Variants in ADGRL2 observed in about 807,000 individuals in gnomAD.
ADGRL2 encodes calcium-independent alpha-latrotoxin receptor 2.
ADGRL2 carries 44 observed loss-of-function variants against 157.4 expected under a neutral mutation model. That is an observed-to-expected ratio of 0.28 (90% CI 0.22 to 0.36). ADGRL2 has a LOEUF of 0.36. Among genes scored for constraint, ADGRL2 ranks in the 10% least tolerant of loss-of-function variants. The pLI is 1.00. For synonymous variants in ADGRL2, 585 were observed against 624.7 expected (o/e 0.94, Z 0.95); for missense variants, 1,510 against 1,768.9 (o/e 0.85, Z 2.63).
At chr1:81,563,072 C>A (rs1329380673) in intron 2 of ADGRL2, among the ~76,000 whole-genome samples, 1 of 152,064 alleles carries the variant, frequency 6.6e-6, no homozygotes, top group African/African-American at 2.4e-5. Context: ...CTGTCAATAT[C>A]TATAAACATT....
At chr1:81,917,237 T>TAACAGCAGC (rs1159474913) in intron 3 of ADGRL2, among the ~76,000 whole-genome samples, 2 of 152,136 alleles carry the variant, frequency 1.3e-5, no homozygotes, top group African/African-American at 4.8e-5. Context: ...ACTATGATAG[T>TAACAGCAGC]AACAGCAGCA....
At chr1:81,335,769 T>C (rs958079036) in intron 1 of ADGRL2, among the ~76,000 whole-genome samples, 2 of 151,716 alleles carry the variant, frequency 1.3e-5, no homozygotes, top group Admixed American at 1.3e-4. Flanking sequence ...TTAGTTATTC[T>C]ACACGTATTA....
chr1:81,602,897 CAAAAAAAAAA>C (rs35152437), intron 3 of ADGRL2, among the ~76,000 whole-genome samples: 3 of 120,406 alleles, frequency 2.5e-5, no homozygotes, highest in African/African-American at 9.6e-5. Context: ...GACTCTGTCT[CAAAAAAAAAA>C]AAAAAAAAGT....
At chr1:81,500,973 G>A (rs1046152661) in intron 2 of ADGRL2, among the ~76,000 whole-genome samples, 13 of 152,062 alleles carry the variant, frequency 8.5e-5, no homozygotes, top group Admixed American at 7.9e-4. Flanking sequence ...ACTTCAATTC[G>A]AGTCAGATCT....
chr1:81,650,809 C>T (rs978525321), intron 3 of ADGRL2, among the ~76,000 whole-genome samples: 5 of 152,250 alleles, frequency 3.3e-5, no homozygotes, highest in Admixed American at 3.3e-4. Flanking sequence ...CTTAATCCTA[C>T]TTGAACTTTT....
At chr1:81,429,373 A>G (rs115220730) in intron 1 of ADGRL2, among the ~76,000 whole-genome samples, 1 of 152,220 alleles carries the variant, frequency 6.6e-6, no homozygotes, top group African/African-American at 2.4e-5. Context: ...GCCACAGGCT[A>G]AAAAGCAATG....
chr1:81,760,979 G>A (rs544031332), intron 1 of ADGRL2, among the ~76,000 whole-genome samples: 1 of 151,808 alleles, frequency 6.6e-6, no homozygotes, highest in Admixed American at 6.6e-5. Flanking sequence ...TCCATATTTA[G>A]TATTCAAATT....
At chr1:81,522,259 C>A (rs182678160) in intron 2 of ADGRL2, among the ~76,000 whole-genome samples, 2 of 151,820 alleles carry the variant, frequency 1.3e-5, no homozygotes, top group Admixed American at 6.6e-5. Flanking sequence ...GCCACTGTGC[C>A]GGGCCATAAA....
chr1:81,322,815 A>G (rs1200318345), intron 1 of ADGRL2, among the ~76,000 whole-genome samples: 1 of 152,174 alleles, frequency 6.6e-6, no homozygotes, highest in Non-Finnish European at 1.5e-5. Context: ...GGGAGATACC[A>G]TAAACAATGG....
intron 3 of ADGRL2, among the ~76,000 whole-genome samples, chr1:81,582,416 A>T (rs183729094): frequency 4.6e-5 from 7 of 151,496 alleles, no homozygotes; most frequent in Admixed American, 4.6e-4. Context: ...AAGTAAAAAG[A>T]CTCCCCCTTA....
At chr1:81,717,825 C>G (rs981861385) in intron 1 of ADGRL2, among the ~76,000 whole-genome samples, 1 of 152,170 alleles carries the variant, frequency 6.6e-6, no homozygotes, top group African/African-American at 2.4e-5. Context: ...TTGACTGTTT[C>G]TGTTATAGTC....
intron 1 of ADGRL2, among the ~76,000 whole-genome samples, chr1:81,708,665 C>T (rs2047417): frequency 0.33 from 49,471 of 149,948 alleles, 8,163 homozygotes; most frequent in Admixed American, 0.41. Flanking sequence ...TACACACACA[C>T]ATATATATAT....
chr1:81,420,470 A>T (rs1011489231), intron 1 of ADGRL2, among the ~76,000 whole-genome samples: 1 of 152,220 alleles, frequency 6.6e-6, no homozygotes, highest in Non-Finnish European at 1.5e-5. Flanking sequence ...TTTATCTTTC[A>T]TGTTTGAAAC....
At chr1:81,322,910 T>C (rs2100638211) in intron 1 of ADGRL2, among the ~76,000 whole-genome samples, 1 of 152,280 alleles carries the variant, frequency 6.6e-6, no homozygotes, top group South Asian at 2.1e-4. Context: ...CAGGCTGGAG[T>C]GCAGTGGGGT....
intron 1 of ADGRL2, among the ~76,000 whole-genome samples, chr1:81,439,817 C>T (rs990593087): frequency 1.3e-5 from 2 of 152,242 alleles, no homozygotes; most frequent in Non-Finnish European, 2.9e-5. Context: ...GGTGTGACAG[C>T]CTTTCTTGCT....
intron 2 of ADGRL2, among the ~76,000 whole-genome samples, chr1:81,518,600 A>G (rs2079237514): frequency 2.6e-5 from 4 of 152,306 alleles, no homozygotes. Flanking sequence ...TGTTCAGCTC[A>G]TGATTTCTAG....
At chr1:81,682,566 CCCTGTGGTGTGTGCATGAAAATTCCATTA>C (rs1228823020) in intron 3 of ADGRL2, among the ~76,000 whole-genome samples, 7 of 152,130 alleles carry the variant, frequency 4.6e-5, no homozygotes, top group African/African-American at 1.7e-4. Flanking sequence ...AATTCTTCTA[CCCTGTGGTGTGTGCATGAAAATTCCATTA>C]CCTCCACAGA....
intron 1 of ADGRL2, among the ~76,000 whole-genome samples, chr1:81,380,236 C>T (rs1470099726): frequency 6.6e-6 from 1 of 152,106 alleles, no homozygotes; most frequent in African/African-American, 2.4e-5. Context: ...AGTTGTATTT[C>T]CTCTTTTGTG....
intron 3 of ADGRL2, among the ~76,000 whole-genome samples, chr1:81,685,165 T>C (rs1175076307): frequency 6.6e-6 from 1 of 152,210 alleles, no homozygotes; most frequent in Admixed American, 6.5e-5. Context: ...TTTCTAATTC[T>C]GTGAAGAATG....
Sources: allele counts gnomAD v4.1 joint callset (sites outside exome capture counted in the v4.1 genomes callset), GRCh38; gene constraint gnomAD v4.1.1; transcripts MANE v1.5; gene names NCBI Gene and HGNC (gene_info 2026-07-23, HGNC 2026-07-21).